Variants in SUPT3H observed in about 807,000 individuals in gnomAD.
SUPT3H encodes SPT3 homolog, SAGA and STAGA complex component.
In SUPT3H, 44 loss-of-function variants were observed where a neutral mutation model predicts 44.3. The observed-to-expected ratio is 0.99, with a 90% CI of 0.78 to 1.28. The LOEUF is 1.28. SUPT3H is among the 50% of genes most tolerant of loss of function. The pLI is 0.00. For synonymous variants in SUPT3H, 124 were observed against 125.6 expected (o/e 0.99, Z 0.09); for missense variants, 380 against 387.1 (o/e 0.98, Z 0.15).
At chr6:45,155,341 C>T (rs1807639109) in intron 2 of SUPT3H, among the ~76,000 whole-genome samples, 1 of 151,998 alleles carries the variant, frequency 6.6e-6, no homozygotes, top group African/African-American at 2.4e-5. Context: ...GAACTAGTGT[C>T]CTAAAGAACC....
chr6:44,862,367 C>T (rs1040589708), intron 10 of SUPT3H, among the ~76,000 whole-genome samples: 10 of 151,870 alleles, frequency 6.6e-5, no homozygotes, highest in Non-Finnish European at 1.3e-4. Context: ...AGGATTCGCA[C>T]ATTACACCTT....
Position 45,095,659 on chromosome 6 carries a change from C to T in SUPT3H, c.186+10263G>A, listed in dbSNP as rs1462781730. Among the ~76,000 whole-genome samples, 2 of 152,086 alleles carry T rather than the reference C, an allele frequency of 1.3e-5. No individual in the cohort carries two copies. Among genetic ancestry groups the T allele is most frequent in the Admixed American group, 6.6e-5 (1 of 15,260 alleles). ...TGATTTTTAAATGGAATGGTAATTA[C>T]ATTCTATGCATAAAATGTAGTGAAT... On this transcript the variant is annotated intron_variant, in intron 3 of 10. Coordinates refer to ENST00000371459, the MANE Select transcript of SUPT3H (RefSeq NM_003599.4). This position sits in a 1 kb window ranked among gnomAD's most constrained non-coding sequence, Gnocchi z 4.1.
At chr6:45,234,961 T>C (rs539484868) in intron 2 of SUPT3H, among the ~76,000 whole-genome samples, 1 of 152,322 alleles carries the variant, frequency 6.6e-6, no homozygotes, top group South Asian at 2.1e-4. Flanking sequence ...ACCAGTAGTT[T>C]ACAAAATTCT....
chr6:44,986,328 C>T (rs766379177), intron 6 of SUPT3H, among the ~76,000 whole-genome samples: 1 of 152,096 alleles, frequency 6.6e-6, no homozygotes. Flanking sequence ...ATAAAGTGAA[C>T]AGGGTAACAG....
rs1207970784 is a variant in SUPT3H at position 45,128,525 on chromosome 6, AAAAAAAAAATATATATATATAT to A, written c.102-22541_102-22520del. 6.0e-5 allele frequency among the ~76,000 whole-genome samples: 4 copies of A among 66,818 alleles called. No individual in the cohort carries two copies. In the East Asian group the frequency reaches 1.2e-3, roughly 20 times the overall value. The allele number at this position is 66,818 out of a possible 152,430, so 43.8% of individuals were successfully genotyped here. A position where few individuals can be genotyped will look rare whatever the true frequency, so the allele number is the denominator to read the frequency against. The stretch of plus-strand genomic sequence containing the variant: ...TCTCAAAAAAAAAAAAAAAAAAAAA[AAAAAAAAAATATATATATATAT>A]ATATATATATACACACACACACACA... On this transcript the variant is annotated intron_variant, in intron 2 of 10. Coordinates refer to ENST00000371459, the MANE Select transcript of SUPT3H (RefSeq NM_003599.4).
intron 6 of SUPT3H, among the ~76,000 whole-genome samples, chr6:44,969,653 A>G (rs1004967191): frequency 2.0e-5 from 3 of 152,230 alleles, no homozygotes; most frequent in Admixed American, 1.3e-4. Context: ...ACGTCATGCA[A>G]TATTTAAGGG....
In SUPT3H at chr6:45,355,636, C is replaced by T. The variant is rs539179939; in HGVS notation, c.101+9565G>A. 4.1e-3 allele frequency among the ~76,000 whole-genome samples: 617 copies of T among 152,020 alleles called. 2 individuals carry two copies. The highest frequency in any genetic ancestry group is 5.2e-3 in the Admixed American group (80 of 15,260). ...CTTTTGAAATATTTATATTTAATTA[C>T]AAATTCCAGATAAGTGAAGTTTTAT... is the stretch of plus-strand genomic sequence containing the variant. On this transcript the variant is annotated intron_variant, in intron 2 of 10. Coordinates refer to ENST00000371459, the MANE Select transcript of SUPT3H (RefSeq NM_003599.4).
chr6:44,981,646 G>C (rs1181345857), intron 6 of SUPT3H, among the ~76,000 whole-genome samples: 1 of 152,136 alleles, frequency 6.6e-6, no homozygotes, highest in East Asian at 1.9e-4. Context: ...CTAGGTCTCA[G>C]TTTTACCTCT....
intron 3 of SUPT3H, among the ~76,000 whole-genome samples, chr6:45,038,543 T>C (rs189752880): frequency 2.3e-4 from 35 of 152,298 alleles, no homozygotes; most frequent in Admixed American, 5.2e-4. Context: ...TTGAATAATA[T>C]TGGTTAGTAA....
intron 10 of SUPT3H, among the ~76,000 whole-genome samples, chr6:44,927,820 GT>G (rs1289035754): frequency 6.6e-6 from 1 of 152,060 alleles, no homozygotes; most frequent in African/African-American, 2.4e-5. Flanking sequence ...GAAATTTTTA[GT>G]TTTTTTCCGG....
At chr6:45,232,202 C>G (rs1038158595) in intron 2 of SUPT3H, among the ~76,000 whole-genome samples, 1 of 152,134 alleles carries the variant, frequency 6.6e-6, no homozygotes, top group African/African-American at 2.4e-5. Context: ...AATTTGCCTT[C>G]TTAGGGGAGA....
chr6:44,896,094 G>C (rs1174921120), intron 10 of SUPT3H, among the ~76,000 whole-genome samples: 1 of 152,090 alleles, frequency 6.6e-6, no homozygotes, highest in Non-Finnish European at 1.5e-5. Context: ...AAAACGCTGG[G>C]AGAGTGTGAT....
intron 2 of SUPT3H, among the ~76,000 whole-genome samples, chr6:45,331,120 T>C (rs978308902): frequency 6.7e-6 from 1 of 149,776 alleles, no homozygotes; most frequent in Non-Finnish European, 1.5e-5. Context: ...TGTGTGTGTG[T>C]GTGTGTGCGC....
At chr6:45,051,141 G>A (rs1038100796) in intron 3 of SUPT3H, among the ~76,000 whole-genome samples, 1 of 152,024 alleles carries the variant, frequency 6.6e-6, no homozygotes, top group African/African-American at 2.4e-5. Flanking sequence ...CACCCGCCTC[G>A]GCCTCCCAAA....
At chr6:45,333,391 T>C (rs1562969372) in intron 2 of SUPT3H, among the ~76,000 whole-genome samples, 1 of 151,554 alleles carries the variant, frequency 6.6e-6, no homozygotes, top group Non-Finnish European at 1.5e-5. Flanking sequence ...GTATAGCAAT[T>C]CAGATTAAAT....
At chr6:44,955,721 CAG>C (rs1424830133) in intron 7 of SUPT3H, among the ~76,000 whole-genome samples, 3 of 152,122 alleles carry the variant, frequency 2.0e-5, no homozygotes, top group Non-Finnish European at 4.4e-5. Context: ...TTTGGGGACT[CAG>C]GGGAAAGGGT....
At chr6:44,956,119 C>CA (rs35935221) in intron 7 of SUPT3H, among the ~76,000 whole-genome samples, 5,911 of 124,518 alleles carry the variant, frequency 0.047, 157 homozygotes, top group South Asian at 0.12. Context: ...GACTCCGTCT[C>CA]AAAAAAAAAA....
intron 2 of SUPT3H, among the ~76,000 whole-genome samples, chr6:45,176,432 G>T (rs1445340570): frequency 2.0e-5 from 3 of 151,758 alleles, no homozygotes; most frequent in African/African-American, 7.3e-5. Context: ...CTACGCCCAC[G>T]GAGTCTCCCT....
intron 6 of SUPT3H, among the ~76,000 whole-genome samples, chr6:45,001,420 C>G (rs1288096129): frequency 6.6e-6 from 1 of 151,920 alleles, no homozygotes; most frequent in African/African-American, 2.4e-5. Flanking sequence ...CGATGATGAA[C>G]TAGTAAGGCA....
Sources: allele counts gnomAD v4.1 joint callset (sites outside exome capture counted in the v4.1 genomes callset), GRCh38; gene constraint gnomAD v4.1.1; non-coding constraint Gnocchi (gnomAD v3.1); transcripts MANE v1.5; gene names NCBI Gene and HGNC (gene_info 2026-07-23, HGNC 2026-07-21).